PTPRR: variants seen among roughly 807,000 people sequenced by gnomAD.
PTPRR encodes protein tyrosine phosphatase receptor type R.
A neutral mutation model predicts 77.2 loss-of-function variants in PTPRR; 38 were observed. The observed-to-expected ratio is 0.49, with a 90% confidence interval of 0.38 to 0.65. The LOEUF is 0.65. PTPRR is among the 30% of genes least tolerant of loss of function. The pLI, the probability that PTPRR is intolerant of heterozygous loss-of-function variation, is 0.00. For missense variants in PTPRR, 744 were observed against 799.2 expected, an observed-to-expected ratio of 0.93 and a Z score of 0.83; for synonymous variants, 299 against 283.1, an observed-to-expected ratio of 1.06 and a Z score of -0.57.
At chr12:70,818,692 A>C (rs1038845066) in intron 2 of PTPRR, among the ~76,000 whole-genome samples, 1 of 152,156 alleles carries the variant, frequency 6.6e-6, no homozygotes, top group Non-Finnish European at 1.5e-5. Context: ...AGAATACTTT[A>C]CCAAAAATCT....
chr12:70,906,775 A>G (rs1356634561), intron 1 of PTPRR: 2 of 152,158 alleles, frequency 1.3e-5, no homozygotes, highest in Non-Finnish European at 2.9e-5. Context: ...AAAAATATTT[A>G]TCCTTAAACT....
At chr12:70,676,150 C>G (rs1887437795) in intron 10 of PTPRR, among the ~76,000 whole-genome samples, 1 of 151,838 alleles carries the variant, frequency 6.6e-6, no homozygotes, top group African/African-American at 2.4e-5. Flanking sequence ...ATATCAAATA[C>G]TATCCTCTAT....
Position 70,661,035 on chromosome 12 carries a change from A to G in PTPRR, c.1671T>C (p.Thr557=). 1 of 1,613,512 alleles carries G rather than the reference A, an allele frequency of 6.2e-7. No homozygotes were observed. Among genetic ancestry groups the G allele is most frequent in the Non-Finnish European group, 8.5e-7 (1 of 1,179,790 alleles). ...GTAGGAGGGGCTGGGCACTGTCTGG[A>G]GTCTTGTGATCAGGCCATGAGGTGT... ...YWYTSWPDHK[T]PDSAQPLLQL... is the part of the protein sequence containing the mutation. Residue 557 remains threonine, a synonymous_variant, in exon 12 of 14, where the codon ACT becomes ACC. Transcript: ENST00000283228.
chr12:70,753,426 C>T (rs1383985514), intron 5 of PTPRR, among the ~76,000 whole-genome samples: 1 of 152,060 alleles, frequency 6.6e-6, no homozygotes, highest in African/African-American at 2.4e-5. Context: ...ACATTAAAAC[C>T]TATTTGTAAA....
intron 2 of PTPRR, among the ~76,000 whole-genome samples, chr12:70,886,588 T>C (rs1235851845): frequency 6.6e-6 from 1 of 152,230 alleles, no homozygotes; most frequent in Non-Finnish European, 1.5e-5. Flanking sequence ...ACTAGCTATT[T>C]TGCATTTGCT....
At chr12:70,869,254 G>T (rs954808149) in intron 2 of PTPRR, among the ~76,000 whole-genome samples, 4 of 151,898 alleles carry the variant, frequency 2.6e-5, no homozygotes, top group African/African-American at 4.8e-5. Context: ...AAGAAAAAAG[G>T]CTCACTGAGG....
intron 6 of PTPRR, among the ~76,000 whole-genome samples, chr12:70,729,020 G>C (rs1889556931): frequency 6.6e-6 from 1 of 152,126 alleles, no homozygotes; most frequent in South Asian, 2.1e-4. Flanking sequence ...TATGGCCACT[G>C]CTTTCACATC....
chr12:70,814,888 T>C (rs936198838), intron 2 of PTPRR, among the ~76,000 whole-genome samples: 9 of 152,052 alleles, frequency 5.9e-5, no homozygotes, highest in African/African-American at 2.2e-4. Flanking sequence ...GGCATAAAAA[T>C]ATTTGGCACC....
chr12:70,848,609 AC>A (rs1270379108), intron 2 of PTPRR, among the ~76,000 whole-genome samples: 5 of 152,224 alleles, frequency 3.3e-5, no homozygotes. Flanking sequence ...GACATGAGCA[AC>A]CACATCCAGC....
chr12:70,754,110 A>G, intron 5 of PTPRR, 81 bp downstream of exon 5: 1 of 1,317,614 alleles, frequency 7.6e-7, no homozygotes, highest in Non-Finnish European at 1.1e-6. Context: ...GCATTTTAAC[A>G]TTCATTTGAA....
intron 2 of PTPRR, among the ~76,000 whole-genome samples, chr12:70,765,454 G>C (rs1890794771): frequency 6.6e-6 from 1 of 152,190 alleles, no homozygotes; most frequent in South Asian, 2.1e-4. Flanking sequence ...AGTGAGGCTG[G>C]GGGAGGGGTG....
At chr12:70,712,123 G>A (rs1313411840) in intron 6 of PTPRR, among the ~76,000 whole-genome samples, 1 of 151,902 alleles carries the variant, frequency 6.6e-6, no homozygotes, top group Non-Finnish European at 1.5e-5. Flanking sequence ...TTTGGCCAGT[G>A]GAGAGTCAAT....
At chr12:70,920,275 G>A in intron 1 of PTPRR, 58 bp downstream of exon 1, 1 of 1,541,670 alleles carries the variant, frequency 6.5e-7, no homozygotes, top group Non-Finnish European at 9.0e-7. Flanking sequence ...GAGTCCTTAA[G>A]CATGTGCAGT....
chr12:70,639,575 C>T (rs1017912689), intron 13 of PTPRR: 3 of 1,048,162 alleles, frequency 2.9e-6, no homozygotes, highest in Non-Finnish European at 3.5e-6. Context: ...TTGGATTTGG[C>T]ATCAGCCAAG....
At chr12:70,639,379 T>C in intron 13 of PTPRR, 102 bp from the exon 14 acceptor site, 22 of 1,442,494 alleles carry the variant, frequency 1.5e-5, no homozygotes, top group Admixed American at 1.9e-5. Flanking sequence ...CAAAGACACA[T>C]AGAACAGTCG....
At chr12:70,681,808 A>T (rs1021829720) in intron 10 of PTPRR, among the ~76,000 whole-genome samples, 1 of 152,176 alleles carries the variant, frequency 6.6e-6, no homozygotes, top group Non-Finnish European at 1.5e-5. Context: ...TATGTGCATC[A>T]GAAAGTTTTT....
chr12:70,889,155 G>C (rs964209127), intron 2 of PTPRR, among the ~76,000 whole-genome samples: 1 of 152,118 alleles, frequency 6.6e-6, no homozygotes, highest in African/African-American at 2.4e-5. Context: ...TGACATGGCT[G>C]AATTCTGTTG....
chr12:70,674,905 G>A (rs976388316), intron 10 of PTPRR, among the ~76,000 whole-genome samples: 1 of 151,916 alleles, frequency 6.6e-6, no homozygotes, highest in African/African-American at 2.4e-5. Context: ...CAGATATTTG[G>A]GGGGAGGTTA....
At chr12:70,876,488 T>C (rs1360481503) in intron 2 of PTPRR, among the ~76,000 whole-genome samples, 5 of 152,292 alleles carry the variant, frequency 3.3e-5, no homozygotes, top group African/African-American at 1.2e-4. Flanking sequence ...TAATTTGACT[T>C]TATATCTAAA....
Sources: allele counts gnomAD v4.1 joint callset (sites outside exome capture counted in the v4.1 genomes callset), GRCh38; gene constraint gnomAD v4.1.1; transcripts MANE v1.5; gene names NCBI Gene and HGNC (gene_info 2026-07-23, HGNC 2026-07-21).